Variants in DSCAM observed in about 807,000 individuals in gnomAD.
DSCAM encodes cell adhesion molecule DSCAM.
DSCAM carries 47 observed loss-of-function variants against 217.7 expected under a neutral mutation model. The observed-to-expected ratio is 0.22, with a 90% CI of 0.17 to 0.28. The LOEUF is 0.28. Among genes scored for constraint, DSCAM ranks in the 10% least tolerant of loss-of-function variants. The probability of loss-of-function intolerance (pLI) is 1.00; values close to 1 mark genes in which losing one functional copy is unlikely to be tolerated. For synonymous variants in DSCAM, 1,056 were observed against 1,015.3 expected (o/e 1.04, Z -0.76); for missense variants, 2,080 against 2,618.3 (o/e 0.79, Z 4.49).
intron 3 of DSCAM, among the ~76,000 whole-genome samples, chr21:40,635,585 G>A (rs1007057976): frequency 4.6e-5 from 7 of 152,320 alleles, no homozygotes; most frequent in African/African-American, 1.7e-4. Context: ...GTGTGCATGT[G>A]TGTGCATGTG....
rs1601771426 is a variant in DSCAM, at chr21:40,591,468, A to G, written c.508+101342T>C. ...GTTAAAAGCCTCCTTACCATTCGAT[A>G]TAAGTAAAGAGGAAAATTGTATGTT... is the stretch of plus-strand genomic sequence containing the variant. On this transcript the variant is annotated intron_variant, in intron 3 of 32. Transcript: ENST00000400454. 2.6e-5 allele frequency among the ~76,000 whole-genome samples: 4 copies of G among 152,332 alleles called. No individual in the cohort carries two copies. The East Asian group carries it at 7.7e-4, about 29-fold the overall frequency.
At position 40,276,143 on chromosome 21, in the gene DSCAM, G is replaced by A. The variant is rs745853012; in HGVS notation, c.2310C>T (p.Asn770=). ...DSGYYLCKVS[N]DVGADVSKSM... ...ACTTGCTGACGTCTGCGCCCACATC[G>A]TTGCTGACCTTGCAGAGGTAGTAGC... Residue 770 remains asparagine (N), a synonymous_variant, in exon 11 of 33, where the codon AAC becomes AAT. Coordinates refer to ENST00000400454, the MANE Select transcript of DSCAM (RefSeq NM_001389.5). 5.6e-6 allele frequency: 9 copies of A among 1,610,800 alleles called. No individual in the cohort carries two copies. The highest frequency in any genetic ancestry group is 1.7e-5 in the Admixed American group (1 of 59,322).
intron 14 of DSCAM, among the ~76,000 whole-genome samples, chr21:40,179,594 G>A (rs1447765474): frequency 6.6e-6 from 1 of 152,158 alleles, no homozygotes; most frequent in Non-Finnish European, 1.5e-5. Flanking sequence ...CCCAAATAGA[G>A]TGTGGTAAAA....
chr21:40,814,419 G>T (rs1025029021), intron 1 of DSCAM, among the ~76,000 whole-genome samples: 4 of 152,216 alleles, frequency 2.6e-5, no homozygotes, highest in Non-Finnish European at 5.9e-5. Context: ...GTAGAGAAAG[G>T]ACCAAAGTGA....
chr21:40,540,790 T>C (rs2076537187), intron 3 of DSCAM, among the ~76,000 whole-genome samples: 1 of 152,170 alleles, frequency 6.6e-6, no homozygotes, highest in African/African-American at 2.4e-5. Flanking sequence ...CCGTTTTTAA[T>C]GCCATTACTC....
In DSCAM at chr21:40,078,720, G is replaced by C; in HGVS notation, c.4678C>G (p.Gln1560Glu). Reference sequence around the variant, plus strand: ...TAGTTCAGCGTAGCGAAGTTGGCCTGCTTCTCCGCGCAGCCCGCACTGTTG... The same window carrying C: ...TAGTTCAGCGTAGCGAAGTTGGCCTCCTTCTCCGCGCAGCCCGCACTGTTG... ...VCNSAGCAEK[Q>E]ANFATLNYDG... Residue 1560 changes from glutamine (Q) to glutamate (E), a missense_variant, in exon 26 of 33, where the codon CAG becomes GAG. Around this residue, in one of 5 missense-constraint regions of DSCAM, gnomAD observed 1,144 missense variants for 1,421.1 expected, o/e 0.81. Transcript: ENST00000400454. 1 of 1,614,180 alleles carries C rather than the reference G, an allele frequency of 6.2e-7. No homozygotes were observed. The highest frequency in any genetic ancestry group is 8.5e-7 in the Non-Finnish European group (1 of 1,180,024).
Position 40,168,613 on chromosome 21 carries a change from C to T in DSCAM, c.2948-1325G>A, listed in dbSNP as rs576841854. 6.6e-5 allele frequency among the ~76,000 whole-genome samples: 10 copies of T among 152,116 alleles called. No homozygotes were observed. In the South Asian group the frequency reaches 1.7e-3, roughly 25 times the overall value. Reference sequence around the variant, plus strand: ...CATTTGCAAAAGGTTGTATGGCACACGGGAGATAAGAAAGCTGAAGTAGTG... The same window carrying T: ...CATTTGCAAAAGGTTGTATGGCACATGGGAGATAAGAAAGCTGAAGTAGTG... On this transcript the variant is annotated intron_variant, in intron 15 of 32. Coordinates refer to ENST00000400454, the MANE Select transcript of DSCAM (RefSeq NM_001389.5).
chr21:40,280,276 G>A (rs1214054409), intron 10 of DSCAM, among the ~76,000 whole-genome samples: 1 of 148,398 alleles, frequency 6.7e-6, no homozygotes, highest in Non-Finnish European at 1.5e-5. Flanking sequence ...CGAACTCCCG[G>A]GTTCAAGCAA....
chr21:40,533,559 ATCCATCCAT>A (rs2076468462), intron 3 of DSCAM, among the ~76,000 whole-genome samples: 2 of 116,388 alleles, frequency 1.7e-5, no homozygotes, highest in Non-Finnish European at 3.7e-5. Flanking sequence ...CCATCCATTC[ATCCATCCAT>A]CCATCCATCC....
intron 1 of DSCAM, among the ~76,000 whole-genome samples, chr21:40,800,710 A>T (rs972599671): frequency 2.8e-5 from 4 of 141,388 alleles, no homozygotes; most frequent in African/African-American, 8.2e-5. Context: ...CTTCTTTCTT[A>T]CTTTCTTTTT....
chr21:40,343,054 A>G (rs897915416), intron 6 of DSCAM, among the ~76,000 whole-genome samples: 2 of 151,824 alleles, frequency 1.3e-5, no homozygotes, highest in African/African-American at 2.4e-5. Context: ...ATATATTCCT[A>G]TCTTATGTTT....
At chr21:40,636,050 C>T (rs147347889) in intron 3 of DSCAM, among the ~76,000 whole-genome samples, 4 of 152,070 alleles carry the variant, frequency 2.6e-5, no homozygotes, top group African/African-American at 7.2e-5. Context: ...TTTTTAAAAA[C>T]GTGATAAGAA....
At chr21:40,075,358 C>G (rs1213969411) in intron 26 of DSCAM, 145 bp from the exon 27 acceptor site, 1 of 868,752 alleles carries the variant, frequency 1.2e-6, no homozygotes, top group Non-Finnish European at 1.7e-6. Context: ...TCTCTAGGCC[C>G]TGGCTAACTT....
intron 20 of DSCAM, among the ~76,000 whole-genome samples, chr21:40,110,804 A>G (rs1017067878): frequency 6.6e-6 from 1 of 152,256 alleles, no homozygotes; most frequent in African/African-American, 2.4e-5. Context: ...CAACTGGAAG[A>G]AAGGGTATCA....
chr21:40,711,361 G>A (rs999949554), intron 1 of DSCAM, among the ~76,000 whole-genome samples: 1 of 152,176 alleles, frequency 6.6e-6, no homozygotes, highest in East Asian at 1.9e-4. Context: ...TGGTAAGAAA[G>A]AGATGAAGAA....
In DSCAM at chr21:40,042,374, G is replaced by A. The variant is rs1190432023; in HGVS notation, c.5683C>T (p.Pro1895Ser). The change falls in exon 32 of 33, where the codon CCA (proline) becomes TCA (serine). Residue 1895 changes from proline (P) to serine (S), a missense_variant. Physicochemically the swap from Pro to Ser is moderately conservative, Grantham distance 74. Transcript: ENST00000400454. ...CCAGGTGGCCTTGCTCACCTACCTG[G>A]CCGATGTGCCTTTGGAACTGCCATA... ...MNMAVPKAHR[P>S]GDLIHLPPYL... 1 of 1,613,106 alleles carries A rather than the reference G, an allele frequency of 6.2e-7. No individual in the cohort carries two copies. The highest frequency in any genetic ancestry group is 2.2e-5 in the East Asian group (1 of 44,854).
At chr21:40,711,277 G>A (rs924860060) in intron 1 of DSCAM, among the ~76,000 whole-genome samples, 2 of 152,178 alleles carry the variant, frequency 1.3e-5, no homozygotes, top group African/African-American at 4.8e-5. Context: ...CCTGCTATGT[G>A]CTGGGGTTGC....
chr21:40,422,903 T>C (rs1007737042), intron 3 of DSCAM, among the ~76,000 whole-genome samples: 3 of 152,218 alleles, frequency 2.0e-5, no homozygotes, highest in South Asian at 2.1e-4. Context: ...TAGAATACTA[T>C]TGCCTAATAA....
At chr21:40,702,807 G>A (rs2090671495) in intron 2 of DSCAM, among the ~76,000 whole-genome samples, 1 of 151,788 alleles carries the variant, frequency 6.6e-6, no homozygotes, top group African/African-American at 2.4e-5. Context: ...GGTTGCTTTA[G>A]GTTTTGTAGT....
Sources: allele counts gnomAD v4.1 joint callset (sites outside exome capture counted in the v4.1 genomes callset), GRCh38; gene constraint gnomAD v4.1.1; regional missense constraint gnomAD v4.1.1; transcripts MANE v1.5; gene names NCBI Gene and HGNC (gene_info 2026-07-23, HGNC 2026-07-21).